SPAM1: variants seen among roughly 807,000 people sequenced by gnomAD.
SPAM1 encodes the protein sperm adhesion molecule 1, also known as hyaluronidase PH-20.
SPAM1 carries 22 observed loss-of-function variants against 29.6 expected under a neutral mutation model. That is an observed-to-expected ratio of 0.74 (90% CI 0.53 to 1.06). SPAM1 has a LOEUF of 1.06. Ranked by LOEUF, SPAM1 falls within the 50% of genes least tolerant of loss-of-function variation. SPAM1 has a pLI of 0.00. For missense variants in SPAM1, 534 were observed against 604.0 expected, an observed-to-expected ratio of 0.88 and a Z score of 1.21; for synonymous variants, 194 against 204.6, an observed-to-expected ratio of 0.95 and a Z score of 0.44.
At chr7:123,961,027 TA>T (rs1052253880), downstream of SPAM1, among the ~76,000 whole-genome samples, 2 of 151,644 alleles carry the variant, frequency 1.3e-5, no homozygotes, top group Non-Finnish European at 2.9e-5. Flanking sequence ...AAATCTTTTT[TA>T]TTTTTTTCTC....
intron 1 of SPAM1, among the ~76,000 whole-genome samples, chr7:123,948,949 A>C (rs1459996936): frequency 1.3e-5 from 2 of 150,218 alleles, no homozygotes; most frequent in East Asian, 3.9e-4. Flanking sequence ...AGAAGAGCTG[A>C]GGACTAAGCC....
intron 1 of SPAM1, among the ~76,000 whole-genome samples, chr7:123,942,867 A>T (rs1369212608): frequency 6.6e-6 from 1 of 152,140 alleles, no homozygotes; most frequent in East Asian, 1.9e-4. Flanking sequence ...CCAGTAAAAA[A>T]CCTTGGTAAA....
intron 4 of SPAM1, among the ~76,000 whole-genome samples, chr7:123,955,514 T>G (rs1022320821): frequency 5.3e-5 from 8 of 151,982 alleles, no homozygotes; most frequent in South Asian, 2.1e-4. Context: ...GAAGCTGAAT[T>G]TTTTCTTCTC....
At chr7:123,963,450 A>G (rs1026647390), downstream of SPAM1, among the ~76,000 whole-genome samples, 10 of 151,820 alleles carry the variant, frequency 6.6e-5, no homozygotes, top group Admixed American at 1.3e-4. Flanking sequence ...TTAGATACCA[A>G]TAGATTATAG....
chr7:123,939,131 G>T (rs1808346014), intron 1 of SPAM1, among the ~76,000 whole-genome samples: 1 of 149,158 alleles, frequency 6.7e-6, no homozygotes, highest in Non-Finnish European at 1.5e-5. Context: ...TGTCGCCCAG[G>T]CTGGAGTGCA....
chr7:123,934,262 A>G (rs1040141175), intron 1 of SPAM1, among the ~76,000 whole-genome samples: 3 of 152,214 alleles, frequency 2.0e-5, no homozygotes, highest in African/African-American at 7.2e-5. Flanking sequence ...GCTAATCATC[A>G]GGAAAGTGCA....
chr7:123,935,518 A>G (rs140333805), intron 1 of SPAM1, among the ~76,000 whole-genome samples: 2 of 152,316 alleles, frequency 1.3e-5, no homozygotes, highest in East Asian at 1.9e-4. Flanking sequence ...ATCCTAATCT[A>G]GAAAACTAAA....
intron 1 of SPAM1, chr7:123,925,782 C>T (rs1029167206): frequency 1.3e-5 from 2 of 150,306 alleles, no homozygotes; most frequent in African/African-American, 4.9e-5. Flanking sequence ...GTTAATAAGA[C>T]CTGTGTATAG....
chr7:123,947,615 CACACAG>C (rs901582000), intron 1 of SPAM1: 1 of 141,710 alleles, frequency 7.1e-6, no homozygotes, highest in African/African-American at 2.6e-5. Flanking sequence ...CACACACACA[CACACAG>C]ACAGGTTCAC....
At chr7:123,957,754 G>A (rs563575438) in intron 4 of SPAM1, among the ~76,000 whole-genome samples, 1 of 152,096 alleles carries the variant, frequency 6.6e-6, no homozygotes, top group Non-Finnish European at 1.5e-5. Context: ...TCACTTTCTT[G>A]TGCTTATAGC....
intron 1 of SPAM1, among the ~76,000 whole-genome samples, chr7:123,930,581 GTGAGATGCACCCAA>G (rs1448557744): frequency 6.6e-6 from 1 of 152,214 alleles, no homozygotes; most frequent in Non-Finnish European, 1.5e-5. Context: ...TCATACACAA[GTGAGATGCACCCAA>G]TTACAGACTC....
chr7:123,937,166 A>G (rs1203026812), intron 1 of SPAM1, among the ~76,000 whole-genome samples: 1 of 152,206 alleles, frequency 6.6e-6, no homozygotes, highest in Non-Finnish European at 1.5e-5. Flanking sequence ...CCAAAATGTC[A>G]AAAGGAATCC....
intron 1 of SPAM1, among the ~76,000 whole-genome samples, chr7:123,948,547 G>A (rs1026470820): frequency 6.6e-6 from 1 of 152,130 alleles, no homozygotes; most frequent in Non-Finnish European, 1.5e-5. Flanking sequence ...TAGTAGTTTT[G>A]AGTGAGGTCT....
intron 1 of SPAM1, among the ~76,000 whole-genome samples, chr7:123,929,895 A>ATT (rs71163712): frequency 1.3e-4 from 16 of 119,796 alleles, no homozygotes; most frequent in African/African-American, 4.6e-4. Context: ...GTGTTTAGGG[A>ATT]TTTTTTTTTT....
At chr7:123,955,142 G>T (rs547969516) in intron 4 of SPAM1, 56 bp downstream of exon 4, 4 of 1,244,378 alleles carry the variant, frequency 3.2e-6, no homozygotes, top group Non-Finnish European at 4.7e-6. Flanking sequence ...ATGTTTTTGG[G>T]GATTGTTTTG....
chr7:123,952,563 T>C (rs1301954490), intron 2 of SPAM1, among the ~76,000 whole-genome samples: 2 of 152,090 alleles, frequency 1.3e-5, no homozygotes, highest in African/African-American at 2.4e-5. Flanking sequence ...ACCACTTTTG[T>C]GGTTTAATAC....
rs141109529 is a variant in SPAM1 at position 123,954,381 on chromosome 7, C to T, written c.811C>T (p.Pro271Ser). ...CATTTATTTGAACACTCAGCAGTCT[C>T]CTGTAGCTGCTACACTCTATGTGCG... ...PSIYLNTQQS[P>S]VAATLYVRNR... is the part of the protein sequence containing the mutation. Residue 271 changes from proline (P) to serine (S), a missense_variant, in exon 3 of 5, where the codon CCT becomes TCT. Coordinates refer to ENST00000682466, the MANE Select transcript of SPAM1 (RefSeq NM_153189.3). The T allele has an allele frequency of 1.3e-5, 21 of 1,613,418 alleles. No individual in the cohort carries two copies. In the African/African-American group the frequency reaches 1.5e-4, roughly 11 times the overall value.
intron 5 of SPAM1, among the ~76,000 whole-genome samples, chr7:123,967,387 G>A (rs1052201276): frequency 3.3e-5 from 5 of 152,032 alleles, no homozygotes; most frequent in Non-Finnish European, 7.4e-5. Flanking sequence ...TTTTAAAAAT[G>A]TACTTATAAA....
In SPAM1 at chr7:123,953,959, A is replaced by G. The variant is rs1451107880; in HGVS notation, c.389A>G (p.Asp130Gly). 5 of 1,613,794 alleles carry G rather than the reference A, an allele frequency of 3.1e-6. No individual in the cohort carries two copies. Among genetic ancestry groups the G allele is most frequent in the Non-Finnish European group, 2.5e-6 (3 of 1,179,832 alleles). Residue 130 changes from aspartate (D) to glycine (G), a missense_variant, in exon 3 of 5, where the codon GAC (aspartate) becomes GGC (glycine). Asp to Gly is a moderately conservative substitution (Grantham distance 94, BLOSUM62 -1). Transcript: ENST00000682466. ...GACCATCTGGACAAAGCTAAGAAAG[A>G]CATTACATTTTATATGCCAGTAGAC... ...LQDHLDKAKK[D>G]ITFYMPVDNL...
Sources: gnomAD v4.1 joint callset for allele counts (sites outside exome capture counted in the v4.1 genomes callset) on GRCh38, gnomAD v4.1.1 for gene constraint, MANE v1.5 for transcripts, NCBI Gene and HGNC (gene_info 2026-07-23, HGNC 2026-07-21) for gene names.